ANXA6: variants seen among roughly 807,000 people sequenced by gnomAD.
The protein encoded by ANXA6 is annexin A6.
A neutral mutation model predicts 95.4 loss-of-function variants in ANXA6; 71 were observed. The observed-to-expected ratio is 0.74, with a 90% CI of 0.61 to 0.91. The LOEUF (loss-of-function observed/expected upper bound fraction) is 0.91, where lower values mean the gene tolerates loss of function less well. ANXA6 is among the 40% of genes least tolerant of loss of function. The probability of loss-of-function intolerance (pLI) is 0.00; values close to 1 mark genes in which losing one functional copy is unlikely to be tolerated. For synonymous variants in ANXA6, 289 were observed against 315.9 expected, an observed-to-expected ratio of 0.91 and a Z score of 0.90; for missense variants, 830 against 876.4, an observed-to-expected ratio of 0.95 and a Z score of 0.67.
At chr5:151,103,414 T>A (rs1340794641) in intron 25 of ANXA6, among the ~76,000 whole-genome samples, 156 bp downstream of exon 25, 1 of 152,238 alleles carries the variant, frequency 6.6e-6, no homozygotes, top group Non-Finnish European at 1.5e-5. Context: ...GATTTCGGTA[T>A]AAACAATGCA....
chr5:151,145,357 C>A (rs1222014824), intron 2 of ANXA6, among the ~76,000 whole-genome samples: 2 of 152,244 alleles, frequency 1.3e-5, no homozygotes, highest in Admixed American at 6.5e-5. Context: ...GGCACAAGCA[C>A]CTGCCTATCC....
chr5:151,117,889 T>G, intron 18 of ANXA6, 52 bp from the exon 19 acceptor site: 1 of 1,507,638 alleles, frequency 6.6e-7, no homozygotes, highest in Non-Finnish European at 9.2e-7. Flanking sequence ...AGGATTTGGT[T>G]GCGGGGAGGG....
At chr5:151,144,142 A>G (rs1463839722) in intron 2 of ANXA6, among the ~76,000 whole-genome samples, 1 of 152,196 alleles carries the variant, frequency 6.6e-6, no homozygotes, top group African/African-American at 2.4e-5. Flanking sequence ...TGGCCTGGGC[A>G]CAACACCTAA....
chr5:151,144,430 G>A (rs1009475507), intron 2 of ANXA6, among the ~76,000 whole-genome samples: 2 of 152,264 alleles, frequency 1.3e-5, no homozygotes, highest in Admixed American at 1.3e-4. Context: ...TGTGGGCGGT[G>A]ACAAGTACTT....
At chr5:151,145,027 C>T (rs1200270163) in intron 2 of ANXA6, among the ~76,000 whole-genome samples, 1 of 152,208 alleles carries the variant, frequency 6.6e-6, no homozygotes, top group Non-Finnish European at 1.5e-5. Flanking sequence ...CCTCACCCAC[C>T]CCACCCTGAC....
chr5:151,135,481 C>A (rs3811988), intron 7 of ANXA6, among the ~76,000 whole-genome samples: 38,184 of 151,938 alleles, frequency 0.25, 4,935 homozygotes, highest in South Asian at 0.35. Context: ...AATGGGGGAA[C>A]GAGGAAACAT....
intron 7 of ANXA6, 73 bp from the exon 8 acceptor site, chr5:151,134,556 G>A: frequency 1.3e-6 from 2 of 1,530,848 alleles, no homozygotes; most frequent in Non-Finnish European, 1.8e-6. Context: ...GCCAGTGGTG[G>A]AGACAGGGAA....
chr5:151,144,583 A>C (rs1024686879), intron 2 of ANXA6, among the ~76,000 whole-genome samples: 13 of 152,000 alleles, frequency 8.6e-5, no homozygotes, highest in African/African-American at 3.1e-4. Context: ...CAGCACGCAG[A>C]CCCCAATTTC....
chr5:151,140,101 G>T, intron 3 of ANXA6, 52 bp downstream of exon 3: 1 of 1,551,054 alleles, frequency 6.4e-7, no homozygotes, highest in Non-Finnish European at 8.9e-7. Context: ...GCTCTGGGCT[G>T]TGTCTACTTT....
At chr5:151,126,186 C>A (rs1045668567) in intron 14 of ANXA6, among the ~76,000 whole-genome samples, 4 of 152,120 alleles carry the variant, frequency 2.6e-5, no homozygotes, top group Admixed American at 1.3e-4. Flanking sequence ...AGTAAGTGGG[C>A]CAGAACCCTT....
At chr5:151,107,164 C>T (rs530279462) in intron 23 of ANXA6, among the ~76,000 whole-genome samples, 6 of 152,280 alleles carry the variant, frequency 3.9e-5, no homozygotes, top group African/African-American at 1.4e-4. Context: ...ACTAACTTTG[C>T]GCAGGGCTTG....
At chr5:151,140,003 C>A in intron 3 of ANXA6, 150 bp downstream of exon 3, 1 of 550,950 alleles carries the variant, frequency 1.8e-6, no homozygotes, top group Non-Finnish European at 3.2e-6. Context: ...TTTATTATAA[C>A]ATCATGAAAA....
intron 2 of ANXA6, among the ~76,000 whole-genome samples, chr5:151,144,383 TAGAA>T (rs1765921905): frequency 6.6e-6 from 1 of 152,198 alleles, no homozygotes; most frequent in South Asian, 2.1e-4. Flanking sequence ...ATGTGGGATC[TAGAA>T]ACTATTTTAA....
intron 2 of ANXA6, among the ~76,000 whole-genome samples, chr5:151,147,159 T>C (rs1465908673): frequency 2.0e-5 from 3 of 152,168 alleles, no homozygotes; most frequent in African/African-American, 7.2e-5. Context: ...AGTTCTCAGG[T>C]GCCTCCAATT....
At chr5:151,108,213 T>C (rs1285053526) in intron 23 of ANXA6, among the ~76,000 whole-genome samples, 1 of 152,012 alleles carries the variant, frequency 6.6e-6, no homozygotes, top group African/African-American at 2.4e-5. Context: ...CCCCCTCCCC[T>C]GCCTGCCCCA....
intron 3 of ANXA6, 84 bp from the exon 4 acceptor site, chr5:151,139,531 C>A: frequency 2.3e-6 from 2 of 885,376 alleles, no homozygotes; most frequent in Admixed American, 1.9e-5. Context: ...TGGACACAGG[C>A]CTAGTAGCTC....
chr5:151,156,386 G>C (rs957705799), intron 1 of ANXA6, among the ~76,000 whole-genome samples: 1 of 152,204 alleles, frequency 6.6e-6, no homozygotes. Flanking sequence ...CTGACCCCAG[G>C]CCAGTGCCCT....
intron 11 of ANXA6, among the ~76,000 whole-genome samples, chr5:151,130,591 A>G (rs1765467497): frequency 6.6e-6 from 1 of 152,254 alleles, no homozygotes; most frequent in East Asian, 1.9e-4. Flanking sequence ...ATTCATGCAT[A>G]CAGGCAAACA....
chr5:151,134,976 A>AAG (rs1281846115), intron 7 of ANXA6, among the ~76,000 whole-genome samples: 1 of 152,236 alleles, frequency 6.6e-6, no homozygotes, highest in African/African-American at 2.4e-5. Flanking sequence ...CTGAGCTCAC[A>AAG]AGCTACAAAG....
Sources: allele counts gnomAD v4.1 joint callset (sites outside exome capture counted in the v4.1 genomes callset), GRCh38; gene constraint gnomAD v4.1.1; transcripts MANE v1.5; gene names NCBI Gene and HGNC (gene_info 2026-07-23, HGNC 2026-07-21).